SLC5A11: variants seen among roughly 807,000 people sequenced by gnomAD.
The protein encoded by SLC5A11 is solute carrier family 5 member 11.
SLC5A11 carries 48 observed loss-of-function variants against 69.8 expected under a neutral mutation model. The ratio of observed to expected loss-of-function variants is 0.69; its 90% CI spans 0.55 to 0.87. The LOEUF is 0.87. Ranked by LOEUF, SLC5A11 falls within the 40% of genes least tolerant of loss-of-function variation. SLC5A11 has a pLI of 0.00. For missense variants in SLC5A11, 784 were observed against 866.1 expected (o/e 0.91, Z 1.19); for synonymous variants, 319 against 342.4 (o/e 0.93, Z 0.75).
chr16:24,905,470 A>G (rs1040162118), intron 10 of SLC5A11, among the ~76,000 whole-genome samples: 3 of 151,616 alleles, frequency 2.0e-5, no homozygotes, highest in African/African-American at 7.3e-5. Flanking sequence ...AAATAAAAAA[A>G]TTAATTAAAG....
At chr16:24,898,931 C>T (rs1445205452) in intron 10 of SLC5A11, among the ~76,000 whole-genome samples, 1 of 152,146 alleles carries the variant, frequency 6.6e-6, no homozygotes, top group East Asian at 1.9e-4. Context: ...ATCCTTTCGC[C>T]TCAGCCTCCC....
chr16:24,892,259 A>C (rs2152376461), intron 9 of SLC5A11, among the ~76,000 whole-genome samples: 1 of 151,944 alleles, frequency 6.6e-6, no homozygotes, highest in Admixed American at 6.6e-5. Context: ...TGCTGAGGGG[A>C]GGTATCATTC....
At chr16:24,866,031 T>C (rs1481503707) in intron 3 of SLC5A11, among the ~76,000 whole-genome samples, 1 of 149,838 alleles carries the variant, frequency 6.7e-6, no homozygotes, top group Non-Finnish European at 1.5e-5. Context: ...AAGAAAGTAA[T>C]TTTAGAAAAT....
At chr16:24,887,662 A>G (rs994614634) in intron 8 of SLC5A11, among the ~76,000 whole-genome samples, 19 of 152,208 alleles carry the variant, frequency 1.2e-4, no homozygotes, top group African/African-American at 4.6e-4. Context: ...ATGGAATAAA[A>G]TTCCCTATTG....
chr16:24,907,849 G>C (rs2050186885), intron 12 of SLC5A11, 114 bp from the exon 14 acceptor site: 1 of 1,400,638 alleles, frequency 7.1e-7, no homozygotes, highest in South Asian at 1.3e-5. Context: ...TCTCACCACT[G>C]CACCCCGGCC....
intron 10 of SLC5A11, among the ~76,000 whole-genome samples, chr16:24,903,778 G>A (rs145961659): frequency 7.9e-5 from 12 of 152,300 alleles, no homozygotes; most frequent in Middle Eastern, 6.8e-3. Context: ...AGACACTGAG[G>A]TTGATTCCAT....
chr16:24,911,058 A>G (rs1416657348), intron 15 of SLC5A11, among the ~76,000 whole-genome samples: 1 of 151,198 alleles, frequency 6.6e-6, no homozygotes, highest in African/African-American at 2.4e-5. Flanking sequence ...AGTCCCAGCT[A>G]CTTGGGAGGC....
intron 7 of SLC5A11, among the ~76,000 whole-genome samples, chr16:24,882,740 G>A (rs2152336987): frequency 6.6e-6 from 1 of 152,276 alleles, no homozygotes; most frequent in South Asian, 2.1e-4. Flanking sequence ...CTGCCTCCTG[G>A]GTTCAAGTGA....
chr16:24,894,647 A>C (rs889629337), intron 9 of SLC5A11, among the ~76,000 whole-genome samples: 16 of 152,150 alleles, frequency 1.1e-4, no homozygotes, highest in African/African-American at 2.6e-4. Context: ...TAAAAATACA[A>C]AAAATTAATT....
At chr16:24,872,017 C>T (rs2667746) in intron 4 of SLC5A11, 143 bp from the exon 6 acceptor site, 166,550 of 900,678 alleles carry the variant, frequency 0.18, 16,908 homozygotes, top group Non-Finnish European at 0.21. Flanking sequence ...ATTTGAAGGC[C>T]AGCACAGGTG....
intron 10 of SLC5A11, among the ~76,000 whole-genome samples, chr16:24,900,547 G>A (rs908843571): frequency 3.3e-5 from 5 of 152,136 alleles, no homozygotes; most frequent in Non-Finnish European, 5.9e-5. Flanking sequence ...AGGGAGTTAA[G>A]AACTGGGATC....
At chr16:24,850,343 G>C (rs979752543) in intron 1 of SLC5A11, among the ~76,000 whole-genome samples, 1 of 152,218 alleles carries the variant, frequency 6.6e-6, no homozygotes, top group African/African-American at 2.4e-5. Flanking sequence ...TGGTCATTTA[G>C]CTCCTTATTC....
In SLC5A11 at chr16:24,910,420, A is replaced by C. The variant is rs552965217; in HGVS notation, c.1765A>C (p.Ser589Arg). Residue 589 changes from serine to arginine, a missense_variant, in exon 15 of 16, where the codon AGC becomes CGC. Physicochemically the swap from Ser to Arg is moderately radical, Grantham distance 110. Coordinates refer to ENST00000347898, the Ensembl canonical transcript of SLC5A11. Reference sequence around the variant, plus strand: ...TCAGAACGGGATGCCAGAGGCCAGCAGCAGCAGCAGCGTCCAGTTCGAGAT... The same window carrying C: ...TCAGAACGGGATGCCAGAGGCCAGCCGCAGCAGCAGCGTCCAGTTCGAGAT... The C allele has an allele frequency of 7.4e-6, 12 of 1,614,176 alleles. 1 individual carries two copies. The South Asian group carries it at 1.3e-4, about 18-fold the overall frequency.
At chr16:24,851,243 TG>T (rs990916846) in intron 1 of SLC5A11, among the ~76,000 whole-genome samples, 1 of 151,284 alleles carries the variant, frequency 6.6e-6, no homozygotes, top group African/African-American at 2.4e-5. Flanking sequence ...CCCAGGGCAG[TG>T]GCTCACGCCT....
In SLC5A11 at chr16:24,910,361, C is replaced by CTT. The variant is rs2050419848; in HGVS notation, c.1706_1707insTT (p.Pro570TyrfsTer42). 1 of 1,613,992 alleles carries CTT rather than the reference C, an allele frequency of 6.2e-7. No individual in the cohort carries two copies. Among genetic ancestry groups the CTT allele is most frequent in the Non-Finnish European group, 8.5e-7 (1 of 1,180,024 alleles). ...GACCCCGTGGTCCAGAAGGAACAAG[C>CTT]ACCACCAGCAGCTCCCTTGTCTCTT... On this transcript the variant is annotated frameshift_variant, in exon 15 of 16. Transcript: ENST00000347898. LOFTEE classifies it high-confidence loss of function.
At chr16:24,908,764 C>A in intron 13 of SLC5A11, 117 bp from the exon 15 acceptor site, 1 of 810,578 alleles carries the variant, frequency 1.2e-6, no homozygotes, top group Admixed American at 2.8e-5. Context: ...TTTCAAATTG[C>A]TGACCCGTGC....
At chr16:24,910,219 TG>T in intron 14 of SLC5A11, 86 bp from the exon 16 acceptor site, 1 of 1,366,212 alleles carries the variant, frequency 7.3e-7, no homozygotes. Context: ...AGGCTGAGTG[TG>T]GGGTTGGGTG....
rs556709799 is a variant in SLC5A11 at position 24,865,563 on chromosome 16, A to T, written c.207+2891A>T. ...CAGAGTGAGACTCCATCTCAAAAAA[A>T]GAAAAGTCTTCAATAAGATTATCAG... On this transcript the variant is annotated intron_variant, in intron 3 of 15. Coordinates refer to ENST00000347898, the Ensembl canonical transcript of SLC5A11. Among the ~76,000 whole-genome samples the T allele has an allele frequency of 1.7e-3, 264 of 152,330 alleles. 2 individuals carry two copies. Among genetic ancestry groups the T allele is most frequent in the African/African-American group, 6.1e-3 (253 of 41,572 alleles).
At position 24,900,729 on chromosome 16, in the gene SLC5A11, G is replaced by A. The variant is rs143508573; in HGVS notation, c.1006+2620G>A. ...AGAGTTCAAGACCATCGTGGGTAACGATACCAGACCCGCTCTCTACCAAAA... is the reference window on the plus strand; with the variant it reads ...AGAGTTCAAGACCATCGTGGGTAACAATACCAGACCCGCTCTCTACCAAAA... On this transcript the variant is annotated intron_variant, in intron 10 of 15. Transcript: ENST00000347898. Among the ~76,000 whole-genome samples, 1,195 of 152,002 alleles carry A rather than the reference G, an allele frequency of 7.9e-3. 21 individuals are homozygous for A. Among genetic ancestry groups the A allele is most frequent in the African/African-American group, 0.027 (1,103 of 41,484 alleles).
Sources: allele counts gnomAD v4.1 joint callset (sites outside exome capture counted in the v4.1 genomes callset), GRCh38; gene constraint gnomAD v4.1.1; transcripts MANE v1.5; gene names NCBI Gene and HGNC (gene_info 2026-07-23, HGNC 2026-07-21).